Variants in AP2B1 observed in about 807,000 individuals in gnomAD.
AP2B1 encodes AP-2 complex subunit beta.
In AP2B1, 23 loss-of-function variants were observed where a neutral mutation model predicts 102.0. That is an observed-to-expected ratio of 0.23 (90% CI 0.16 to 0.32). The LOEUF is 0.32. Ranked by LOEUF, AP2B1 falls within the 10% of genes least tolerant of loss-of-function variation. The pLI, the probability that AP2B1 is intolerant of heterozygous loss-of-function variation, is 1.00. For synonymous variants in AP2B1, 381 were observed against 421.2 expected, an observed-to-expected ratio of 0.90 and a Z score of 1.17; for missense variants, 541 against 1,157.4, an observed-to-expected ratio of 0.47 and a Z score of 7.73.
In AP2B1 at chr17:35,661,204, TA is replaced by T. The variant is rs920282935; in HGVS notation, c.1989+3422del. On this transcript the variant is annotated intron_variant, in intron 14 of 21. Coordinates refer to ENST00000610402, the MANE Select transcript of AP2B1 (RefSeq NM_001030006.2). ...AATTGGTCCCACATAATTACCAGTT[TA>T]AAAAAAAATACTCTCTAGCCATTGA... Among the ~76,000 whole-genome samples the T allele has an allele frequency of 3.1e-3, 471 of 151,214 alleles. 4 individuals are homozygous for T. The highest frequency in any genetic ancestry group is 0.011 in the African/African-American group (460 of 41,280).
At position 35,671,792 on chromosome 17, in the gene AP2B1, C is replaced by T. The variant is rs1161551291; in HGVS notation, c.2070C>T (p.Thr690=). 2 of 1,613,840 alleles carry T rather than the reference C, an allele frequency of 1.2e-6. No individual in the cohort carries two copies. Among genetic ancestry groups the T allele is most frequent in the Non-Finnish European group, 1.7e-6 (2 of 1,179,896 alleles). Residue 690 remains threonine (T), a synonymous_variant, in exon 16 of 22, where the codon ACC becomes ACT. Coordinates refer to ENST00000610402, the MANE Select transcript of AP2B1 (RefSeq NM_001030006.2). ...QSFIPSSVPA[T]FAPSPTPAVV... ...TCATCCCATCATCGGTGCCTGCAAC[C>T]TTTGCTCCTTCACCTACACCTGCTG...
intron 5 of AP2B1, among the ~76,000 whole-genome samples, chr17:35,612,237 C>T (rs549196428): frequency 3.1e-4 from 47 of 152,132 alleles, no homozygotes; most frequent in Non-Finnish European, 6.6e-4. Flanking sequence ...TTTAAGAAGA[C>T]ACTCATTCTC....
chr17:35,638,744 G>A (rs576100928), intron 10 of AP2B1, among the ~76,000 whole-genome samples: 5 of 149,620 alleles, frequency 3.3e-5, no homozygotes, highest in South Asian at 2.1e-4. Flanking sequence ...AGCCGGGATC[G>A]TGCCACTGCA....
At chr17:35,662,881 C>A (rs551752081) in intron 14 of AP2B1, among the ~76,000 whole-genome samples, 1 of 152,104 alleles carries the variant, frequency 6.6e-6, no homozygotes, top group South Asian at 2.1e-4. Context: ...GAAGAATTAT[C>A]CAAAGTGCCC....
At chr17:35,665,660 G>A (rs1263135241) in intron 14 of AP2B1, among the ~76,000 whole-genome samples, 1 of 152,164 alleles carries the variant, frequency 6.6e-6, no homozygotes, top group African/African-American at 2.4e-5. Flanking sequence ...AGAGCTATTG[G>A]TAAGCTATAT....
chr17:35,631,649 A>G (rs560729506), intron 9 of AP2B1, among the ~76,000 whole-genome samples: 1 of 152,258 alleles, frequency 6.6e-6, no homozygotes, highest in African/African-American at 2.4e-5. Flanking sequence ...TGGTTTATAG[A>G]CATAACGTGA....
chr17:35,684,755 C>T (rs1407569404), intron 18 of AP2B1, among the ~76,000 whole-genome samples: 1 of 152,172 alleles, frequency 6.6e-6, no homozygotes, highest in Non-Finnish European at 1.5e-5. Flanking sequence ...GAAATCTAAC[C>T]TCCCATTGGC....
chr17:35,653,881 A>G (rs149889682), intron 13 of AP2B1, among the ~76,000 whole-genome samples: 18 of 152,136 alleles, frequency 1.2e-4, no homozygotes, highest in Non-Finnish European at 7.4e-5. Flanking sequence ...AGGCTTCTCT[A>G]CTTGTTTTTC....
At position 35,590,329 on chromosome 17, in the gene AP2B1, CAT is replaced by C. The variant is rs559767285; in HGVS notation, c.-24+2902_-24+2903del. 1.6e-3 allele frequency among the ~76,000 whole-genome samples: 246 copies of C among 152,142 alleles called. 3 individuals are homozygous for C. Among genetic ancestry groups the C allele is most frequent in the Non-Finnish European group, 1.2e-3 (82 of 68,002 alleles). On this transcript the variant is annotated intron_variant, in intron 1 of 21. Transcript: ENST00000610402. ...TCTCTCATTATATGAGGTGAGAACT[CAT>C]TATATGAGAGATACACTGAATCATA...
chr17:35,629,098 G>A (rs924291830), intron 9 of AP2B1, among the ~76,000 whole-genome samples: 2 of 151,934 alleles, frequency 1.3e-5, no homozygotes, highest in African/African-American at 2.4e-5. Flanking sequence ...ACAGGCATAC[G>A]CTACCACACC....
chr17:35,600,759 G>A (rs1391720567), intron 3 of AP2B1, among the ~76,000 whole-genome samples: 1 of 152,046 alleles, frequency 6.6e-6, no homozygotes, highest in East Asian at 1.9e-4. Context: ...TCCTGACATG[G>A]TAAAATATCA....
intron 14 of AP2B1, among the ~76,000 whole-genome samples, chr17:35,664,820 CTCTTGTTGA>C (rs1268372082): frequency 6.6e-6 from 1 of 152,124 alleles, no homozygotes; most frequent in African/African-American, 2.4e-5. Context: ...TAAAGAGGTT[CTCTTGTTGA>C]TTTTTACTAT....
At chr17:35,682,361 A>C (rs1265771398) in intron 17 of AP2B1, among the ~76,000 whole-genome samples, 1 of 62,212 alleles carries the variant, frequency 1.6e-5, no homozygotes, top group Admixed American at 2.3e-4. Context: ...TTTTTTTTTG[A>C]GATGGAGTTT....
chr17:35,622,714 G>C (rs924496016), intron 5 of AP2B1, among the ~76,000 whole-genome samples: 5 of 152,066 alleles, frequency 3.3e-5, no homozygotes, highest in Non-Finnish European at 5.9e-5. Context: ...GCCCAAGCTG[G>C]AGTGCAGTGG....
intron 18 of AP2B1, among the ~76,000 whole-genome samples, chr17:35,699,991 G>A (rs184094099): frequency 2.6e-5 from 4 of 152,200 alleles, no homozygotes; most frequent in African/African-American, 7.2e-5. Flanking sequence ...AGCTACTCAC[G>A]AGGCTGAGAT....
intron 17 of AP2B1, among the ~76,000 whole-genome samples, chr17:35,679,796 C>T (rs753622221): frequency 4.6e-5 from 7 of 152,014 alleles, no homozygotes; most frequent in Non-Finnish European, 1.0e-4. Context: ...ACTATTATGC[C>T]TAAATGAGTG....
intron 20 of AP2B1, among the ~76,000 whole-genome samples, chr17:35,711,839 A>G (rs982887485): frequency 6.6e-6 from 1 of 152,200 alleles, no homozygotes; most frequent in Non-Finnish European, 1.5e-5. Context: ...TGAATCTTAT[A>G]GGGCTTTTGA....
At chr17:35,683,291 A>G (rs2142993445) in intron 18 of AP2B1, among the ~76,000 whole-genome samples, 1 of 152,368 alleles carries the variant, frequency 6.6e-6, no homozygotes, top group African/African-American at 2.4e-5. Flanking sequence ...TTTGTTGTTA[A>G]GAAAAACAAA....
At chr17:35,690,400 G>C (rs1164262882) in intron 18 of AP2B1, among the ~76,000 whole-genome samples, 1 of 152,216 alleles carries the variant, frequency 6.6e-6, no homozygotes, top group African/African-American at 2.4e-5. Flanking sequence ...GAGCTAAATT[G>C]GGAAAGAGGG....
Sources: allele counts gnomAD v4.1 joint callset (sites outside exome capture counted in the v4.1 genomes callset), GRCh38; gene constraint gnomAD v4.1.1; transcripts MANE v1.5; gene names NCBI Gene and HGNC (gene_info 2026-07-23, HGNC 2026-07-21).